Variants in LCA5 observed in about 807,000 individuals in gnomAD.
The protein encoded by LCA5 is lebercilin.
Under a neutral mutation model 53.0 loss-of-function variants are expected in LCA5, and 37 were observed. The ratio of observed to expected loss-of-function variants is 0.70; its 90% CI spans 0.54 to 0.92. The LOEUF is 0.92. Ranked by LOEUF, LCA5 falls within the 40% of genes least tolerant of loss-of-function variation. The pLI is 0.00. For missense variants in LCA5, 806 were observed against 790.5 expected, an observed-to-expected ratio of 1.02 and a Z score of -0.23; for synonymous variants, 303 against 282.9, an observed-to-expected ratio of 1.07 and a Z score of -0.71.
chr6:79,516,936 T>C (rs1422790401), intron 2 of LCA5, among the ~76,000 whole-genome samples: 3 of 151,976 alleles, frequency 2.0e-5, no homozygotes, highest in African/African-American at 7.2e-5. Flanking sequence ...CCAAAACTTA[T>C]TAAATTTTAC....
At position 79,513,265 on chromosome 6, in the gene LCA5, T is replaced by C. The variant is rs527877430; in HGVS notation, c.667A>G (p.Lys223Glu). The change falls in exon 3 of 8, where the codon AAG becomes GAG. Residue 223 changes from lysine (K) to glutamate (E), a missense_variant. By Grantham distance (56) the Lys-to-Glu change is moderately conservative. Coordinates refer to ENST00000369846, the MANE Select transcript of LCA5 (RefSeq NM_001122769.3). ...TTTAACTCTGCTGAAACTAGTTTCT[T>C]TGCCAAATCATCTCGTTCAGGTAGG... ...RHLPERDDLA[K>E]KLVSAELKLD... The C allele has an allele frequency of 1.9e-6, 3 of 1,613,772 alleles. No individual in the cohort carries two copies. The highest frequency in any genetic ancestry group is 2.7e-5 in the African/African-American group (2 of 74,996).
rs750639988 is a variant in LCA5 at position 79,513,271 on chromosome 6, A to C, written c.661T>G (p.Leu221Val). The change falls in exon 3 of 8, where the codon TTG becomes GTG. Residue 221 changes from leucine to valine, a missense_variant. Coordinates refer to ENST00000369846, the MANE Select transcript of LCA5 (RefSeq NM_001122769.3). ...EARHLPERDD[L>V]AKKLVSAELK... ...TCTGCTGAAACTAGTTTCTTTGCCA[A>C]ATCATCTCGTTCAGGTAGGTGTCTA... 22 of 1,613,618 alleles carry C rather than the reference A, an allele frequency of 1.4e-5. No individual in the cohort carries two copies. Among genetic ancestry groups the C allele is most frequent in the Non-Finnish European group, 1.8e-5 (21 of 1,179,810 alleles).
At chr6:79,527,594 A>G (rs934181748) in intron 1 of LCA5, among the ~76,000 whole-genome samples, 3 of 152,224 alleles carry the variant, frequency 2.0e-5, no homozygotes, top group Admixed American at 2.0e-4. Context: ...GATGTATGGT[A>G]AACTACCCAA....
intron 1 of LCA5, among the ~76,000 whole-genome samples, chr6:79,535,347 T>C (rs899870158): frequency 9.9e-5 from 15 of 152,184 alleles, no homozygotes; most frequent in South Asian, 2.1e-4. Flanking sequence ...AATCTAAGAA[T>C]TGGAGGGCAG....
intron 5 of LCA5, among the ~76,000 whole-genome samples, chr6:79,492,075 C>T (rs1442173654): frequency 1.3e-5 from 2 of 151,716 alleles, no homozygotes; most frequent in Non-Finnish European, 2.9e-5. Flanking sequence ...GGAAATTATA[C>T]TTTTGTTAAA....
intron 5 of LCA5, among the ~76,000 whole-genome samples, chr6:79,491,960 T>C (rs1244610027): frequency 6.6e-6 from 1 of 152,008 alleles, no homozygotes; most frequent in African/African-American, 2.4e-5. Flanking sequence ...ACTATTTTTG[T>C]TTCTAGGATT....
At chr6:79,506,776 A>G (rs1056006094) in intron 3 of LCA5, among the ~76,000 whole-genome samples, 3 of 152,096 alleles carry the variant, frequency 2.0e-5, no homozygotes, top group Non-Finnish European at 2.9e-5. Flanking sequence ...TATATTTGCT[A>G]TTTTCACTCA....
In LCA5 at chr6:79,487,637, A is replaced by C; in HGVS notation, c.1461T>G (p.Pro487=). 1 of 1,614,044 alleles carries C rather than the reference A, an allele frequency of 6.2e-7. No individual in the cohort carries two copies. The highest frequency in any genetic ancestry group is 8.5e-7 in the Non-Finnish European group (1 of 1,179,928). The change falls in exon 8 of 8, where the codon CCT becomes CCG. Residue 487 remains proline (P), a synonymous_variant. Coordinates refer to ENST00000369846, the MANE Select transcript of LCA5 (RefSeq NM_001122769.3). The part of the protein sequence containing the change: ...ELQDSRNLKY[P]VLPLLPDFES... ...CAAAATCAGGTAACAATGGCAAAAC[A>C]GGGTATTTTAGATTTCGAGAATCTT...
intron 1 of LCA5, among the ~76,000 whole-genome samples, chr6:79,536,657 C>CT (rs1176156204): frequency 2.0e-5 from 3 of 152,190 alleles, no homozygotes; most frequent in Non-Finnish European, 4.4e-5. Flanking sequence ...ACAAGTACGG[C>CT]TTTCCACTCT....
At position 79,534,374 on chromosome 6, in the gene LCA5, A is replaced by C. The variant is rs1767046782; in HGVS notation, c.-192+2791T>G. On this transcript the variant is annotated intron_variant, in intron 1 of 7. Transcript: ENST00000369846. ...CATCTTAAGTACAGTACATATTCCC[A>C]AAGTTTAGTCAGTCAAATGAAAACA... Among the ~76,000 whole-genome samples, 5 of 152,056 alleles carry C rather than the reference A, an allele frequency of 3.3e-5. 1 individual carries two copies. In the South Asian group the frequency reaches 1.0e-3, roughly 31 times the overall value.
chr6:79,517,235 G>T (rs1267445424), intron 2 of LCA5, among the ~76,000 whole-genome samples: 2 of 152,086 alleles, frequency 1.3e-5, no homozygotes, highest in Non-Finnish European at 2.9e-5. Context: ...AAGTCAAATT[G>T]AAGGAAATAA....
rs750725128 is a variant in LCA5, at chr6:79,518,826, G to C, written c.69C>G (p.Tyr23Ter). Residue 23 changes from tyrosine (Y) to a stop codon, truncating the protein, a stop_gained, in exon 2 of 8, where the codon TAC becomes TAG. Transcript: ENST00000369846. LOFTEE classifies it high-confidence loss of function. ...ACTGTGGCGTTTCAAAATCAGATAA[G>C]TAAGAATAATGGTGTTTGCCTGCCT... The part of the protein sequence containing the change: ...ERKAGKHHYS[Y>*]LSDFETPQSS... 1 of 1,614,088 alleles carries C rather than the reference G, an allele frequency of 6.2e-7. No homozygotes were observed. The highest frequency in any genetic ancestry group is 8.5e-7 in the Non-Finnish European group (1 of 1,179,982).
intron 1 of LCA5, among the ~76,000 whole-genome samples, chr6:79,526,843 A>T (rs1766804750): frequency 6.6e-6 from 1 of 152,146 alleles, no homozygotes; most frequent in Non-Finnish European, 1.5e-5. Flanking sequence ...AAAACTTGGG[A>T]TTGTCCCCCT....
intron 1 of LCA5, among the ~76,000 whole-genome samples, chr6:79,522,825 C>A (rs1766662284): frequency 6.6e-6 from 1 of 152,036 alleles, no homozygotes; most frequent in Non-Finnish European, 1.5e-5. Context: ...GAACTACAGG[C>A]ATGCGCCACC....
intron 3 of LCA5, among the ~76,000 whole-genome samples, chr6:79,494,230 T>C (rs934955971): frequency 6.8e-6 from 1 of 147,692 alleles, no homozygotes; most frequent in Non-Finnish European, 1.5e-5. Flanking sequence ...AACAAGACTA[T>C]CTTAAAAAAA....
chr6:79,488,680 A>C (rs1375300819), intron 7 of LCA5: 2 of 295,330 alleles, frequency 6.8e-6, no homozygotes, highest in Non-Finnish European at 1.2e-5. Flanking sequence ...GGCATGACAC[A>C]ACTCACTCAC....
At chr6:79,511,898 C>T (rs1037059810) in intron 3 of LCA5, among the ~76,000 whole-genome samples, 1 of 152,110 alleles carries the variant, frequency 6.6e-6, no homozygotes, top group Non-Finnish European at 1.5e-5. Flanking sequence ...CGTCCCACTT[C>T]TTATTCCTTC....
chr6:79,531,873 C>T (rs1325646187), intron 1 of LCA5, among the ~76,000 whole-genome samples: 2 of 151,736 alleles, frequency 1.3e-5, no homozygotes, highest in Non-Finnish European at 2.9e-5. Context: ...TTGGAATACA[C>T]AGGGCAGCAC....
At chr6:79,502,905 G>C (rs925876653) in intron 3 of LCA5, among the ~76,000 whole-genome samples, 6 of 152,162 alleles carry the variant, frequency 3.9e-5, no homozygotes, top group Admixed American at 2.0e-4. Flanking sequence ...TCTTGAGACA[G>C]AGTCTCACTC....
Sources: gnomAD v4.1 joint callset for allele counts (sites outside exome capture counted in the v4.1 genomes callset) on GRCh38, gnomAD v4.1.1 for gene constraint, MANE v1.5 for transcripts, NCBI Gene and HGNC (gene_info 2026-07-23, HGNC 2026-07-21) for gene names.